NOD1: variants seen among roughly 807,000 people sequenced by gnomAD.
NOD1 encodes nucleotide binding oligomerization domain containing 1, also known as nucleotide-binding oligomerization domain-containing protein 1.
NOD1 carries 70 observed loss-of-function variants against 81.2 expected under a neutral mutation model. The ratio of observed to expected loss-of-function variants is 0.86; its 90% CI spans 0.71 to 1.05. NOD1 has a LOEUF of 1.05. NOD1 is among the 50% of genes least tolerant of loss of function. NOD1 has a pLI of 0.00. For missense variants in NOD1, 1,233 were observed against 1,228.0 expected, an observed-to-expected ratio of 1.00 and a Z score of -0.06; for synonymous variants, 508 against 526.9, an observed-to-expected ratio of 0.96 and a Z score of 0.49.
Position 30,452,159 on chromosome 7 carries a change from T to C in NOD1, c.1258A>G (p.Thr420Ala). ...ACCAGGAGGAAGACATCTGTCAGGG[T>C]CATCGTGCAGTCGGGCAGCTGTGGT... ...GSPQLPDCTM[T>A]LTDVFLLVTE... The change falls in exon 6 of 14, where the codon ACC becomes GCC. Residue 420 changes from threonine to alanine, a missense_variant. Thr to Ala is a moderately conservative substitution (Grantham distance 58). Transcript: ENST00000222823. 1 of 1,613,920 alleles carries C rather than the reference T, an allele frequency of 6.2e-7. No homozygotes were observed. Among genetic ancestry groups the C allele is most frequent in the Non-Finnish European group, 8.5e-7 (1 of 1,180,008 alleles).
chr7:30,430,749 A>G (rs557768535), intron 12 of NOD1, among the ~76,000 whole-genome samples: 102 of 152,328 alleles, frequency 6.7e-4, no homozygotes, highest in African/African-American at 2.3e-3. Context: ...AGAGGAGGGT[A>G]TTAGGCACAG....
chr7:30,437,691 C>T, intron 9 of NOD1, 35 bp from the exon 10 acceptor site: 2 of 1,442,014 alleles, frequency 1.4e-6, no homozygotes, highest in Non-Finnish European at 1.8e-6. Flanking sequence ...ATGTTAGCTC[C>T]CCAAGAAACA....
chr7:30,452,466 C>T lies in NOD1; in HGVS notation c.951G>A (p.Leu317=), dbSNP rs1368883310. Residue 317 remains leucine (L), a synonymous_variant, in exon 6 of 14, where the codon CTG becomes CTA. Coordinates refer to ENST00000222823, the MANE Select transcript of NOD1 (RefSeq NM_006092.4). ...CCCCCTTGAGCAGCTTCCCACTGAG[C>T]AGGTTGGCCAGCAAGACCAGGGGGT... The part of the protein sequence containing the change: ...PAHPLVLLAN[L]LSGKLLKGAS... 7 of 1,613,150 alleles carry T rather than the reference C, an allele frequency of 4.3e-6. No homozygotes were observed. The highest frequency in any genetic ancestry group is 5.1e-6 in the Non-Finnish European group (6 of 1,179,950).
chr7:30,429,480 A>G, intron 12 of NOD1, 23 bp from the exon 13 acceptor site: 1 of 1,598,104 alleles, frequency 6.3e-7, no homozygotes, highest in Non-Finnish European at 8.6e-7. Flanking sequence ...CATAACTTGT[A>G]TAAAATCCAT....
chr7:30,451,155 G>C lies in NOD1; in HGVS notation c.2201+61C>G, dbSNP rs1583753443. Reference sequence around the variant, plus strand: ...GATCCTGGTCCATGATGCCATTCCCGATGCCCTCCGAGCCTGGCCCGCCCG... The same window carrying C: ...GATCCTGGTCCATGATGCCATTCCCCATGCCCTCCGAGCCTGGCCCGCCCG... On this transcript the variant is annotated intron_variant, in intron 6 of 13. Coordinates refer to ENST00000222823, the MANE Select transcript of NOD1 (RefSeq NM_006092.4). The surrounding 1 kb of genome is among the most constrained non-coding windows in gnomAD (Gnocchi z 4.2). The C allele has an allele frequency of 3.2e-6, 5 of 1,554,350 alleles. No homozygotes were observed. The East Asian group carries it at 1.1e-4, about 35-fold the overall frequency.
chr7:30,435,534 T>C (rs1440306256), intron 11 of NOD1, among the ~76,000 whole-genome samples: 1 of 152,130 alleles, frequency 6.6e-6, no homozygotes, highest in Admixed American at 6.5e-5. Context: ...GAAGTGGCTA[T>C]TCTCTTCTCT....
intron 9 of NOD1, among the ~76,000 whole-genome samples, chr7:30,445,184 C>T (rs1434597952): frequency 4.3e-5 from 4 of 92,422 alleles, no homozygotes; most frequent in Non-Finnish European, 5.9e-5. Flanking sequence ...GTGGGTGCAG[C>T]GCACCAGCAT....
At chr7:30,448,588 G>A (rs1350770786) in intron 6 of NOD1, among the ~76,000 whole-genome samples, 2 of 152,218 alleles carry the variant, frequency 1.3e-5, no homozygotes, top group Admixed American at 6.5e-5. Flanking sequence ...ACCAGCCCAT[G>A]AGCGAGGCTG....
rs756116865 is a variant in NOD1 at position 30,436,014 on chromosome 7, A to G, written c.2605T>C (p.Ser869Pro). 6.2e-7 allele frequency: 1 copy of G among 1,613,754 alleles called. No individual in the cohort carries two copies. The highest frequency in any genetic ancestry group is 8.5e-7 in the Non-Finnish European group (1 of 1,179,608). ...SLARALQQNT[S>P]LEILWLTQNE... ...AGCTATTACCACAGTATTTCTAGAG[A>G]CGTGTTCTGCTGCAGGGCCCTCGCA... The change falls in exon 11 of 14, where the codon TCT (serine) becomes CCT (proline). Residue 869 changes from serine to proline, a missense_variant. By Grantham distance (74) the Ser-to-Pro change is moderately conservative. Transcript: ENST00000222823.
chr7:30,446,067 T>C, intron 9 of NOD1, 74 bp downstream of exon 9: 4 of 1,145,918 alleles, frequency 3.5e-6, no homozygotes, highest in East Asian at 2.4e-5. Context: ...TACTGATGTA[T>C]GAAAAGAACA....
intron 1 of NOD1, chr7:30,464,127 C>T (rs989203049): frequency 1.3e-5 from 2 of 152,220 alleles, no homozygotes; most frequent in African/African-American, 4.8e-5. Context: ...AACTCACCTG[C>T]CACTCTGCTG....
In NOD1 at chr7:30,467,783, C is replaced by G. The variant is rs1007763279; in HGVS notation, c.-351-7742G>C. On this transcript the variant is annotated intron_variant, in intron 1 of 13. Coordinates refer to ENST00000222823, the MANE Select transcript of NOD1 (RefSeq NM_006092.4). This position sits in a 1 kb window ranked among gnomAD's most constrained non-coding sequence, Gnocchi z 4.5. ...ATGGCGTGATCTTGGCTCACTGCAA[C>G]CTCCGCCTCATAGGTTCAAGTGATT... 3.9e-5 allele frequency among the ~76,000 whole-genome samples: 6 copies of G among 152,138 alleles called. No individual in the cohort carries two copies. In the South Asian group the frequency reaches 1.2e-3, roughly 32 times the overall value.
At chr7:30,430,531 G>A (rs1344790789) in intron 12 of NOD1, among the ~76,000 whole-genome samples, 1 of 152,194 alleles carries the variant, frequency 6.6e-6, no homozygotes, top group Non-Finnish European at 1.5e-5. Flanking sequence ...AGGAAGACGA[G>A]GGCCCTATGC....
At position 30,436,063 on chromosome 7, in the gene NOD1, G is replaced by A; in HGVS notation, c.2556C>T (p.Ile852=). ...LTTLSLASNG[I]STEGGKSLAR... ...CAAGGCTCTTTCCTCCTTCTGTGGA[G>A]ATGCCGTTGGACGCAAGACTAGGAA... Residue 852 remains isoleucine (I), a synonymous_variant, in exon 11 of 14, where the codon ATC becomes ATT. Coordinates refer to ENST00000222823, the MANE Select transcript of NOD1 (RefSeq NM_006092.4). 2 of 1,614,072 alleles carry A rather than the reference G, an allele frequency of 1.2e-6. No individual in the cohort carries two copies. Among genetic ancestry groups the A allele is most frequent in the Non-Finnish European group, 1.7e-6 (2 of 1,179,880 alleles).
At chr7:30,456,618 G>A (rs1345371309) in intron 4 of NOD1, 103 bp downstream of exon 4, 12 of 1,007,122 alleles carry the variant, frequency 1.2e-5, no homozygotes, top group East Asian at 7.4e-5. Context: ...AGCCCTGCCC[G>A]CTGGACTAAA....
intron 1 of NOD1, among the ~76,000 whole-genome samples, chr7:30,473,876 T>C (rs1189339787): frequency 6.6e-6 from 1 of 152,204 alleles, no homozygotes; most frequent in Non-Finnish European, 1.5e-5. Flanking sequence ...TTTAATCTTG[T>C]TGAGCCTCAG....
intron 1 of NOD1, among the ~76,000 whole-genome samples, chr7:30,474,383 T>C (rs2128109545): frequency 6.6e-6 from 1 of 152,336 alleles, no homozygotes; most frequent in African/African-American, 2.4e-5. Context: ...AGTATGTTGG[T>C]GAAGGTCACA....
chr7:30,436,703 AG>A (rs1562660156), intron 10 of NOD1, among the ~76,000 whole-genome samples: 1 of 152,190 alleles, frequency 6.6e-6, no homozygotes, highest in East Asian at 1.9e-4. Flanking sequence ...TCTACCAGCA[AG>A]GGACATGCAG....
At chr7:30,471,402 C>A (rs935012484) in intron 1 of NOD1, among the ~76,000 whole-genome samples, 2 of 152,222 alleles carry the variant, frequency 1.3e-5, no homozygotes, top group African/African-American at 4.8e-5. Flanking sequence ...ACCTCATGAC[C>A]GCTTCACAGC....
Sources: allele counts gnomAD v4.1 joint callset (sites outside exome capture counted in the v4.1 genomes callset), GRCh38; gene constraint gnomAD v4.1.1; non-coding constraint Gnocchi (gnomAD v3.1); transcripts MANE v1.5; gene names NCBI Gene and HGNC (gene_info 2026-07-23, HGNC 2026-07-21).